IKZF1: variants seen among roughly 807,000 people sequenced by gnomAD.
IKZF1 encodes DNA-binding protein Ikaros.
A neutral mutation model predicts 51.7 loss-of-function variants in IKZF1; 10 were observed. The observed-to-expected ratio is 0.19, with a 90% confidence interval of 0.12 to 0.33. The LOEUF (loss-of-function observed/expected upper bound fraction) is 0.33, where lower values mean the gene tolerates loss of function less well. Ranked by LOEUF, IKZF1 falls within the 10% of genes least tolerant of loss-of-function variation. The pLI is 1.00. For synonymous variants in IKZF1, 280 were observed against 282.3 expected (o/e 0.99, Z 0.08); for missense variants, 484 against 707.5 (o/e 0.68, Z 3.58).
At chr7:50,391,564 G>T (rs548826251) in intron 6 of IKZF1, among the ~76,000 whole-genome samples, 165 bp from the exon 7 acceptor site, 1 of 152,140 alleles carries the variant, frequency 6.6e-6, no homozygotes, top group Non-Finnish European at 1.5e-5. Flanking sequence ...GCATTGCTCC[G>T]GCTGCCTCTG....
At chr7:50,345,903 T>G (rs1241182228) in intron 3 of IKZF1, among the ~76,000 whole-genome samples, 1 of 152,122 alleles carries the variant, frequency 6.6e-6, no homozygotes, top group Non-Finnish European at 1.5e-5. Flanking sequence ...TAGGGCCGGG[T>G]GCAGTGGCAG....
intron 3 of IKZF1, among the ~76,000 whole-genome samples, chr7:50,365,215 C>G (rs1806511647): frequency 6.6e-6 from 1 of 152,200 alleles, no homozygotes; most frequent in Non-Finnish European, 1.5e-5. Context: ...TGCTGTTGTA[C>G]ATAATTACCT....
chr7:50,341,775 G>A (rs1799123668), intron 3 of IKZF1, among the ~76,000 whole-genome samples: 1 of 151,920 alleles, frequency 6.6e-6, no homozygotes, highest in Admixed American at 6.5e-5. Context: ...CTCAATATAA[G>A]CAATTGTTAA....
chr7:50,324,077 TA>T (rs1160044593), intron 2 of IKZF1, among the ~76,000 whole-genome samples: 1 of 152,260 alleles, frequency 6.6e-6, no homozygotes, highest in African/African-American at 2.4e-5. Flanking sequence ...TTTAGTCATT[TA>T]TTTTTTAGTG....
At chr7:50,366,815 T>C (rs1320072327) in intron 3 of IKZF1, among the ~76,000 whole-genome samples, 1 of 152,156 alleles carries the variant, frequency 6.6e-6, no homozygotes, top group African/African-American at 2.4e-5. Flanking sequence ...TGGAGCTCAA[T>C]GAAGACAACA....
At chr7:50,393,052 T>C (rs1339802688) in intron 7 of IKZF1, among the ~76,000 whole-genome samples, 1 of 152,026 alleles carries the variant, frequency 6.6e-6, no homozygotes, top group Non-Finnish European at 1.5e-5. Context: ...ATATTTTTTA[T>C]GAGAACAAAG....
Position 50,404,819 on chromosome 7 carries a change from C to A in IKZF1, c.*4192C>A, listed in dbSNP as rs1485930213. The A allele has an allele frequency of 8.8e-6, 2 of 226,992 alleles. No individual in the cohort carries two copies. Among genetic ancestry groups the A allele is most frequent in the Non-Finnish European group, 8.8e-6 (1 of 114,212 alleles). 14.1% of individuals were successfully genotyped at this position (226,992 alleles called of 1,614,324 possible). ...CTTTTACATAGTCATAAGAATTATC[C>A]TCAACATAGCCTTTTGACGCTGTAA... On this transcript the variant is annotated 3_prime_UTR_variant, in exon 8 of 8. Transcript: ENST00000331340.
rs777925305 is a variant in IKZF1 at position 50,387,432 on chromosome 7, A to G, written c.677A>G (p.Tyr226Cys). The G allele has an allele frequency of 6.2e-7, 1 of 1,612,674 alleles. No homozygotes were observed. Among genetic ancestry groups the G allele is most frequent in the Non-Finnish European group, 8.5e-7 (1 of 1,179,372 alleles). ...GAACATAAAGAGCGCTGCCACAACT[A>G]CTTGGAAAGCATGGGCCTTCCGGGC... ...LEEHKERCHN[Y>C]LESMGLPGTL... The change falls in exon 6 of 8, where the codon TAC becomes TGC. Residue 226 changes from tyrosine to cysteine, a missense_variant. Physicochemically the swap from Tyr to Cys is radical, Grantham distance 194. Transcript: ENST00000331340.
intron 3 of IKZF1, among the ~76,000 whole-genome samples, chr7:50,375,448 CT>C (rs1232794855): frequency 1.3e-5 from 2 of 152,124 alleles, no homozygotes; most frequent in Non-Finnish European, 2.9e-5. Flanking sequence ...CCTACTTACT[CT>C]TATTAGTCTG....
intron 2 of IKZF1, among the ~76,000 whole-genome samples, chr7:50,319,603 A>G (rs973419766): frequency 7.9e-5 from 12 of 152,152 alleles, no homozygotes; most frequent in Admixed American, 5.2e-4. Flanking sequence ...TAGTAGGAAA[A>G]GCCTAAGGGT....
At chr7:50,384,175 G>C (rs1201389064) in intron 5 of IKZF1, among the ~76,000 whole-genome samples, 1 of 152,230 alleles carries the variant, frequency 6.6e-6, no homozygotes, top group Non-Finnish European at 1.5e-5. Flanking sequence ...TTCTAAACTA[G>C]TGTGTGAGTC....
Position 50,387,583 on chromosome 7 carries a change from G to A in IKZF1, c.715+113G>A, listed in dbSNP as rs1019974342. The A allele has an allele frequency of 1.2e-5, 16 of 1,376,326 alleles. 1 individual carries two copies. The South Asian group carries it at 1.4e-4, about 12-fold the overall frequency. 85.3% of individuals were successfully genotyped at this position (1,376,326 alleles called of 1,614,324 possible). ...CAGAGCCTTGGGCCTGCTTCCTGCC[G>A]GGGCTAGGAGGGAGGGAAGTTTTTG... On this transcript the variant is annotated intron_variant, in intron 6 of 7. Coordinates refer to ENST00000331340, the MANE Select transcript of IKZF1 (RefSeq NM_006060.6).
chr7:50,397,671 A>C (rs1817062013), intron 7 of IKZF1, among the ~76,000 whole-genome samples: 1 of 152,250 alleles, frequency 6.6e-6, no homozygotes, highest in Non-Finnish European at 1.5e-5. Flanking sequence ...CTCTGGAGTT[A>C]GTGTAACAAG....
chr7:50,362,451 C>T (rs1805548531), intron 3 of IKZF1, among the ~76,000 whole-genome samples: 1 of 152,164 alleles, frequency 6.6e-6, no homozygotes, highest in Non-Finnish European at 1.5e-5. Context: ...AAGCACTAGC[C>T]CTATTGTTTT....
At chr7:50,303,940 C>A (rs1788151807), upstream of IKZF1, 6 of 144,926 alleles carry the variant, frequency 4.1e-5, no homozygotes, top group South Asian at 1.3e-3. The surrounding 1 kb of genome is among the most constrained non-coding windows in gnomAD (Gnocchi z 4.7). Flanking sequence ...GCCCGGCCCG[C>A]GGACACAGCG....
At chr7:50,373,709 G>A (rs1809400211) in intron 3 of IKZF1, among the ~76,000 whole-genome samples, 1 of 152,230 alleles carries the variant, frequency 6.6e-6, no homozygotes, top group African/African-American at 2.4e-5. Context: ...GCCTCATTGT[G>A]TTTCCAGAGC....
upstream of IKZF1, among the ~76,000 whole-genome samples, chr7:50,303,872 C>G (rs931561811): frequency 2.0e-5 from 3 of 147,678 alleles, no homozygotes; most frequent in Non-Finnish European, 4.5e-5. The surrounding 1 kb of genome is among the most constrained non-coding windows in gnomAD (Gnocchi z 4.7). Context: ...ACGTGTCGCC[C>G]GCGCCGCGCC....
chr7:50,327,821 C>T, intron 3 of IKZF1, 64 bp downstream of exon 3: 2 of 1,491,616 alleles, frequency 1.3e-6, no homozygotes, highest in South Asian at 1.3e-5. Context: ...TTTTCCAAGA[C>T]AGTGATGAAG....
At chr7:50,358,071 A>ATGACT (rs200239949) in intron 3 of IKZF1, among the ~76,000 whole-genome samples, 3,461 of 152,304 alleles carry the variant, frequency 0.023, 59 homozygotes, top group Middle Eastern at 0.044. Context: ...AACCAGGTAA[A>ATGACT]TGACTTGACT....
Sources: gnomAD v4.1 joint callset for allele counts (sites outside exome capture counted in the v4.1 genomes callset) on GRCh38, gnomAD v4.1.1 for gene constraint, Gnocchi (gnomAD v3.1) non-coding constraint, MANE v1.5 for transcripts, NCBI Gene and HGNC (gene_info 2026-07-23, HGNC 2026-07-21) for gene names.